ZNF536: variants seen among roughly 807,000 people sequenced by gnomAD.
ZNF536 encodes the protein zinc finger protein 536.
A neutral mutation model predicts 84.5 loss-of-function variants in ZNF536; 13 were observed. The ratio of observed to expected loss-of-function variants is 0.15; its 90% CI spans 0.10 to 0.24. The LOEUF (loss-of-function observed/expected upper bound fraction) is 0.24. Among genes scored for constraint, ZNF536 ranks in the 10% least tolerant of loss-of-function variants. The pLI is 1.00. For missense variants in ZNF536, 1,536 were observed against 1,747.5 expected (o/e 0.88, Z 2.16); for synonymous variants, 811 against 742.5 (o/e 1.09, Z -1.50).
Position 30,547,930 on chromosome 19 carries a change from C to A in ZNF536, c.2324-13C>A. On this transcript the variant is annotated splice_polypyrimidine_tract_variant and intron_variant, in intron 3 of 4. Coordinates refer to ENST00000355537, the MANE Select transcript of ZNF536 (RefSeq NM_014717.3). The stretch of plus-strand genomic sequence containing the variant: ...TAAACGCCTCTTTTTTTTCTTATAT[C>A]AAAATCTTGCAGGTGAGAAACCCTA... 1 of 1,514,046 alleles carries A rather than the reference C, an allele frequency of 6.6e-7. No individual in the cohort carries two copies. The highest frequency in any genetic ancestry group is 1.3e-5 in the South Asian group (1 of 74,252). 93.8% of individuals were successfully genotyped at this position (1,514,046 alleles called of 1,614,324 possible).
chr19:30,694,216 CT>C (rs1289076712), intron 1 of ZNF536, among the ~76,000 whole-genome samples: 3 of 152,200 alleles, frequency 2.0e-5, no homozygotes, highest in Non-Finnish European at 4.4e-5. Context: ...ATTGGCCCCC[CT>C]CCCACATTTA....
chr19:30,563,372 A>G (rs762611992), intron 1 of ZNF536, among the ~76,000 whole-genome samples: 1 of 152,164 alleles, frequency 6.6e-6, no homozygotes, highest in African/African-American at 2.4e-5. Flanking sequence ...ATTGGCTCCA[A>G]CTGAGCTGTT....
intron 1 of ZNF536, among the ~76,000 whole-genome samples, chr19:30,390,702 G>A (rs907339140): frequency 1.3e-5 from 2 of 152,158 alleles, no homozygotes; most frequent in Non-Finnish European, 2.9e-5. Flanking sequence ...GCAAAGTCAG[G>A]GATCCCCACT....
chr19:30,408,837 T>C (rs1358271861), intron 1 of ZNF536, among the ~76,000 whole-genome samples: 1 of 149,760 alleles, frequency 6.7e-6, no homozygotes, highest in African/African-American at 2.5e-5. Flanking sequence ...CATCCATCCA[T>C]CTATATATTC....
chr19:30,438,539 C>G (rs1445475329), intron 1 of ZNF536, among the ~76,000 whole-genome samples: 1 of 152,104 alleles, frequency 6.6e-6, no homozygotes, highest in African/African-American at 2.4e-5. Context: ...GGAGGCCCCT[C>G]CAGGGATATT....
In ZNF536 at chr19:30,230,692, C is replaced by G. The variant is rs960053248; in HGVS notation, c.-190+2019C>G. 2.6e-5 allele frequency among the ~76,000 whole-genome samples: 4 copies of G among 152,186 alleles called. No individual in the cohort carries two copies. In the East Asian group the frequency reaches 7.7e-4, roughly 29 times the overall value. On this transcript the variant is annotated intron_variant, in intron 1 of 5. Transcript: ENST00000585628. ...AGATGTGGAATCATTGCCCACTGAA[C>G]CCCAAAGAGCTGAATGATTAGGTTT... is the stretch of plus-strand genomic sequence containing the variant.
chr19:30,408,866 G>A (rs570722935), intron 1 of ZNF536, among the ~76,000 whole-genome samples: 4 of 66,686 alleles, frequency 6.0e-5, no homozygotes, highest in Non-Finnish European at 9.7e-5. Flanking sequence ...TCCATCCATC[G>A]ATCTTCTATC....
intron 1 of ZNF536, among the ~76,000 whole-genome samples, chr19:30,234,752 C>CAT (rs1251021708): frequency 7.4e-4 from 91 of 123,494 alleles, no homozygotes; most frequent in African/African-American, 3.3e-3. Context: ...ATTACACACA[C>CAT]ACACACACAC....
intron 1 of ZNF536, among the ~76,000 whole-genome samples, chr19:30,231,944 G>A (rs2144659730): frequency 6.6e-6 from 1 of 152,310 alleles, no homozygotes; most frequent in East Asian, 1.9e-4. Flanking sequence ...ATGTACATGT[G>A]TGTTGGAGGG....
intron 1 of ZNF536, among the ~76,000 whole-genome samples, chr19:30,580,315 C>A (rs1212040853): frequency 6.6e-6 from 1 of 152,190 alleles, no homozygotes. Context: ...GCTGAAGAGA[C>A]CTATGGTCTT....
At chr19:30,558,886 G>A (rs901246343), downstream of ZNF536, among the ~76,000 whole-genome samples, 1 of 152,114 alleles carries the variant, frequency 6.6e-6, no homozygotes, top group African/African-American at 2.4e-5. Context: ...CTCCAAGTCC[G>A]TTCTTCACAA....
chr19:30,667,093 G>A (rs186535756), intron 1 of ZNF536, among the ~76,000 whole-genome samples: 216 of 152,240 alleles, frequency 1.4e-3, no homozygotes, highest in African/African-American at 4.9e-3. Flanking sequence ...TGTGCTGTAA[G>A]CTGGGCCCTC....
intron 1 of ZNF536, among the ~76,000 whole-genome samples, chr19:30,701,201 A>T (rs937494441): frequency 1.3e-4 from 20 of 151,656 alleles, no homozygotes; most frequent in African/African-American, 4.3e-4. Flanking sequence ...TCACACACAC[A>T]CACACACACA....
chr19:30,711,828 G>A (rs532377723), exon 2 of ZNF536: 2 of 152,178 alleles, frequency 1.3e-5, no homozygotes, highest in East Asian at 1.9e-4. Flanking sequence ...TATATAAAAT[G>A]TTGTTAGAAA....
intron 1 of ZNF536, among the ~76,000 whole-genome samples, chr19:30,688,319 T>C (rs986814887): frequency 2.0e-5 from 3 of 152,200 alleles, no homozygotes; most frequent in Non-Finnish European, 2.9e-5. Context: ...AGTCCTTGCT[T>C]TGAGGAGAGT....
intron 1 of ZNF536, among the ~76,000 whole-genome samples, chr19:30,677,701 C>A (rs2050802753): frequency 6.6e-6 from 1 of 152,226 alleles, no homozygotes; most frequent in Admixed American, 6.5e-5. Flanking sequence ...ACTGGGATAA[C>A]CAATGACTTT....
chr19:30,280,345 C>T (rs1380328852), intron 1 of ZNF536, among the ~76,000 whole-genome samples: 1 of 152,106 alleles, frequency 6.6e-6, no homozygotes, highest in Non-Finnish European at 1.5e-5. Flanking sequence ...TTTCCTCCAT[C>T]CTTCCATTCC....
intron 1 of ZNF536, among the ~76,000 whole-genome samples, chr19:30,255,449 G>A (rs1036677384): frequency 1.3e-5 from 2 of 152,114 alleles, no homozygotes; most frequent in African/African-American, 4.8e-5. Flanking sequence ...ACACGGGTTC[G>A]GGTGGATGCA....
chr19:30,670,867 C>T (rs1180701402), intron 1 of ZNF536, among the ~76,000 whole-genome samples: 2 of 152,196 alleles, frequency 1.3e-5, no homozygotes, highest in Non-Finnish European at 2.9e-5. Context: ...AGAGAAGGTA[C>T]TCTGTCCACT....
Sources: gnomAD v4.1 joint callset for allele counts (sites outside exome capture counted in the v4.1 genomes callset) on GRCh38, gnomAD v4.1.1 for gene constraint, MANE v1.5 for transcripts, NCBI Gene and HGNC (gene_info 2026-07-23, HGNC 2026-07-21) for gene names.